Variants in RBFOX1 observed in about 807,000 individuals in gnomAD.
RBFOX1 encodes the protein RNA binding fox-1 homolog 1, also known as RNA binding protein fox-1 homolog 1.
Under a neutral mutation model 57.7 loss-of-function variants are expected in RBFOX1, and 8 were observed. The observed-to-expected ratio is 0.14, with a 90% confidence interval of 0.08 to 0.25. RBFOX1 has a LOEUF of 0.25. Among genes scored for constraint, RBFOX1 ranks in the 10% least tolerant of loss-of-function variants. The pLI, the probability that RBFOX1 is intolerant of heterozygous loss-of-function variation, is 1.00. For synonymous variants in RBFOX1, 326 were observed against 222.4 expected, an observed-to-expected ratio of 1.47 and a Z score of -4.15; for missense variants, 611 against 548.5, an observed-to-expected ratio of 1.11 and a Z score of -1.14.
chr16:7,702,683 G>A (rs1215711511), intron 14 of RBFOX1, among the ~76,000 whole-genome samples: 3 of 152,082 alleles, frequency 2.0e-5, no homozygotes, highest in Admixed American at 1.3e-4. Context: ...CTCCTTTCCA[G>A]CCCCTGAGAA....
At chr16:7,438,523 C>A (rs1257876859) in intron 4 of RBFOX1, among the ~76,000 whole-genome samples, 1 of 152,146 alleles carries the variant, frequency 6.6e-6, no homozygotes, top group African/African-American at 2.4e-5. Flanking sequence ...TCCAGCCTTC[C>A]TTTAGAAGGG....
intron 1 of RBFOX1, among the ~76,000 whole-genome samples, chr16:6,248,229 C>T (rs188205840): frequency 5.9e-4 from 89 of 151,996 alleles, no homozygotes; most frequent in African/African-American, 2.0e-3. Context: ...AGATTGGAGG[C>T]CTAGAATTAG....
chr16:5,569,154 T>C (rs1024741824), intron 2 of RBFOX1, among the ~76,000 whole-genome samples: 4 of 152,010 alleles, frequency 2.6e-5, no homozygotes, highest in Non-Finnish European at 4.4e-5. Flanking sequence ...CCGGCTGACA[T>C]TGGTTCTGTA....
intron 10 of RBFOX1, among the ~76,000 whole-genome samples, chr16:7,608,825 A>G (rs1416581774): frequency 6.6e-6 from 1 of 152,226 alleles, no homozygotes; most frequent in Non-Finnish European, 1.5e-5. Flanking sequence ...AAAAATGAAT[A>G]TGTTAATCTC....
At position 6,593,833 on chromosome 16, in the gene RBFOX1, A is replaced by G. The variant is rs145911131; in HGVS notation, c.-63-60770A>G. On this transcript the variant is annotated intron_variant, in intron 2 of 15. Transcript: ENST00000550418. ...TTCAATGAGGACTACGGATATGGCA[A>G]TATTGGGAAGGTGATCTCTGAATGA... 2.4e-4 allele frequency among the ~76,000 whole-genome samples: 37 copies of G among 152,332 alleles called. No individual in the cohort carries two copies. The South Asian group carries it at 4.4e-3, about 18-fold the overall frequency.
At chr16:7,475,888 T>G (rs1049947293) in intron 4 of RBFOX1, among the ~76,000 whole-genome samples, 18 of 152,222 alleles carry the variant, frequency 1.2e-4, no homozygotes, top group Admixed American at 9.2e-4. Context: ...TCCCAGGAAG[T>G]GGGGTAAGAA....
chr16:6,918,612 C>T (rs746175432), intron 3 of RBFOX1, among the ~76,000 whole-genome samples: 2 of 152,070 alleles, frequency 1.3e-5, no homozygotes, highest in South Asian at 4.2e-4. Flanking sequence ...TTATCTTACC[C>T]AAATCTCATA....
At chr16:7,000,834 C>T (rs1044631417) in intron 3 of RBFOX1, among the ~76,000 whole-genome samples, 1 of 151,982 alleles carries the variant, frequency 6.6e-6, no homozygotes, top group Non-Finnish European at 1.5e-5. Context: ...GATCTCCTGA[C>T]CTTGTGATCC....
intron 2 of RBFOX1, among the ~76,000 whole-genome samples, chr16:5,541,802 C>T (rs377476686): frequency 2.6e-5 from 4 of 152,200 alleles, no homozygotes; most frequent in East Asian, 3.9e-4. Context: ...AAAACAAAAT[C>T]GTAATTGGAA....
chr16:5,661,144 T>A (rs1160922148), intron 3 of RBFOX1, among the ~76,000 whole-genome samples: 1 of 152,228 alleles, frequency 6.6e-6, no homozygotes, highest in Non-Finnish European at 1.5e-5. Context: ...CCTCACTATA[T>A]ATCTCTTTGT....
At chr16:6,082,347 A>ATTTTTTTTTTTTTTTTTTTTTTTTT (rs71142677) in intron 1 of RBFOX1, among the ~76,000 whole-genome samples, 2 of 41,040 alleles carry the variant, frequency 4.9e-5, no homozygotes, top group Non-Finnish European at 4.5e-5. Context: ...CACCTGGCTA[A>ATTTTTTTTTTTTTTTTTTTTTTTTT]TTTTTTTTTT....
At chr16:6,614,127 A>C (rs1300312274) in intron 2 of RBFOX1, among the ~76,000 whole-genome samples, 3 of 152,188 alleles carry the variant, frequency 2.0e-5, no homozygotes, top group African/African-American at 7.2e-5. Flanking sequence ...AATTCCCAAA[A>C]AATATTGAAT....
chr16:6,093,932 G>T (rs2096211564), intron 1 of RBFOX1, among the ~76,000 whole-genome samples: 1 of 152,114 alleles, frequency 6.6e-6, no homozygotes. Context: ...TATATTGTTT[G>T]AGAAGTCATA....
In RBFOX1 at chr16:7,712,064, A is replaced by G. The variant is rs938219830; in HGVS notation, c.*1319A>G. On this transcript the variant is annotated 3_prime_UTR_variant, in exon 16 of 16. Transcript: ENST00000550418. Reference sequence around the variant, plus strand: ...AAGTACATCCACCCTCTTAATCCCAAAAGAACAAAGTCTCCCCACCTTTCT... The same window carrying G: ...AAGTACATCCACCCTCTTAATCCCAGAAGAACAAAGTCTCCCCACCTTTCT... 1 of 152,552 alleles carries G rather than the reference A, an allele frequency of 6.6e-6. No individual in the cohort carries two copies. 9.4% of individuals were successfully genotyped at this position (152,552 alleles called of 1,614,324 possible).
intron 3 of RBFOX1, among the ~76,000 whole-genome samples, chr16:6,715,698 C>T (rs536461450): frequency 1.3e-5 from 2 of 152,252 alleles, no homozygotes; most frequent in Admixed American, 6.5e-5. Flanking sequence ...CCACCTGGCC[C>T]AGAAATGCCT....
upstream of RBFOX1, among the ~76,000 whole-genome samples, chr16:6,014,382 C>A (rs537753542): frequency 6.6e-6 from 1 of 152,274 alleles, no homozygotes; most frequent in Non-Finnish European, 1.5e-5. Context: ...TTCAAAGACA[C>A]ATTGAAACAG....
chr16:6,838,962 G>A (rs1276118094), intron 3 of RBFOX1, among the ~76,000 whole-genome samples: 2 of 151,914 alleles, frequency 1.3e-5, no homozygotes, highest in East Asian at 1.9e-4. Context: ...AAAAATAAGG[G>A]GAGGAGTGTA....
intron 1 of RBFOX1, chr16:5,365,791 AC>A: frequency 2.0e-6 from 1 of 510,206 alleles, no homozygotes. Flanking sequence ...GCATGCTGCC[AC>A]CCAATGGAAG....
chr16:7,534,690 G>T (rs1267867218), intron 5 of RBFOX1, among the ~76,000 whole-genome samples: 2 of 152,142 alleles, frequency 1.3e-5, no homozygotes, highest in Non-Finnish European at 2.9e-5. Flanking sequence ...TTAGCCGGGG[G>T]AATGACAGGT....
Sources: allele counts gnomAD v4.1 joint callset (sites outside exome capture counted in the v4.1 genomes callset), GRCh38; gene constraint gnomAD v4.1.1; transcripts MANE v1.5; gene names NCBI Gene and HGNC (gene_info 2026-07-23, HGNC 2026-07-21).